CSNK1A1: variants seen among roughly 807,000 people sequenced by gnomAD.
CSNK1A1 encodes casein kinase 1 alpha 1.
CSNK1A1 carries 7 observed loss-of-function variants against 46.1 expected under a neutral mutation model. The ratio of observed to expected loss-of-function variants is 0.15; its 90% confidence interval spans 0.09 to 0.29. The LOEUF (loss-of-function observed/expected upper bound fraction) is 0.29. Ranked by LOEUF, CSNK1A1 falls within the 10% of genes least tolerant of loss-of-function variation. The pLI, the probability that CSNK1A1 is intolerant of heterozygous loss-of-function variation, is 1.00. For missense variants in CSNK1A1, 96 were observed against 417.1 expected, an observed-to-expected ratio of 0.23 and a Z score of 6.71; for synonymous variants, 137 against 141.5, an observed-to-expected ratio of 0.97 and a Z score of 0.23.
Position 149,551,024 on chromosome 5 carries a change from G to C in CSNK1A1, c.-60C>G. On this transcript the variant is annotated 5_prime_UTR_variant, in exon 1 of 10. Coordinates refer to ENST00000377843, the MANE Select transcript of CSNK1A1 (RefSeq NM_001892.6). ...CCGACACCTCTGGGAAGAGGACGGA[G>C]GCCTCGGGGCTCCTACACTAGGCAA... is the stretch of plus-strand genomic sequence containing the variant. 1 of 1,600,340 alleles carries C rather than the reference G, an allele frequency of 6.2e-7. No homozygotes were observed.
At chr5:149,532,360 T>C (rs1761929934) in intron 2 of CSNK1A1, among the ~76,000 whole-genome samples, 1 of 151,664 alleles carries the variant, frequency 6.6e-6, no homozygotes, top group Admixed American at 6.6e-5. Context: ...CACTCCAGCC[T>C]GGGCCACAGA....
At chr5:149,503,528 G>A in intron 9 of CSNK1A1, 6 of 985,056 alleles carry the variant, frequency 6.1e-6, no homozygotes, top group Non-Finnish European at 7.2e-6. Context: ...CCATGTTTAT[G>A]TGATAATTTG....
At chr5:149,539,565 ATTG>A (rs1762168552) in intron 2 of CSNK1A1, among the ~76,000 whole-genome samples, 4 of 152,028 alleles carry the variant, frequency 2.6e-5, no homozygotes, top group South Asian at 4.1e-4. Context: ...AGCAAAAATT[ATTG>A]TTATTAATTA....
chr5:149,542,374 A>T (rs1420720204), intron 2 of CSNK1A1, among the ~76,000 whole-genome samples: 1 of 151,348 alleles, frequency 6.6e-6, no homozygotes, highest in African/African-American at 2.4e-5. Flanking sequence ...ATGTAATAAT[A>T]ATAGAAATAA....
rs539103357 is a variant in CSNK1A1, at chr5:149,497,510, T to TCC, written c.1007-652_1007-651dup. On this transcript the variant is annotated intron_variant, in intron 9 of 9. Coordinates refer to ENST00000377843, the MANE Select transcript of CSNK1A1 (RefSeq NM_001892.6). The stretch of plus-strand genomic sequence containing the variant: ...CCTACACATTCTACAAATACTTCCC[T>TCC]CCTCCACCACAAGTAGACCCTAGGG... The TCC allele has an allele frequency of 6.3e-4, 623 of 985,544 alleles. 6 individuals carry two copies. The African/African-American group carries it at 0.01, about 16-fold the overall frequency. The allele number at this position is 985,544 out of a possible 1,614,324, so 61.0% of individuals were successfully genotyped here.
chr5:149,505,669 G>GA, intron 8 of CSNK1A1, 74 bp from the exon 9 acceptor site: 2 of 1,221,530 alleles, frequency 1.6e-6, no homozygotes, highest in South Asian at 2.7e-5. Flanking sequence ...AACTTTTTAA[G>GA]ACAGTGACAG....
intron 9 of CSNK1A1, chr5:149,502,279 A>AG (rs1489305375): frequency 1.1e-6 from 1 of 945,120 alleles, no homozygotes; most frequent in African/African-American, 1.8e-5. Flanking sequence ...TATGAAACTT[A>AG]GTTCAATAAT....
rs1239316888 is a variant in CSNK1A1 at position 149,550,202 on chromosome 5, G to A, written c.124-21C>T. Reference sequence around the variant, plus strand: ...ACTTCCTGCAGGGGAAAGAGGGGATGATGGCATCAACATCCCTACGGATTC... The same window carrying A: ...ACTTCCTGCAGGGGAAAGAGGGGATAATGGCATCAACATCCCTACGGATTC... On this transcript the variant is annotated intron_variant, in intron 1 of 9. Transcript: ENST00000377843. The surrounding 1 kb of genome is among the most constrained non-coding windows in gnomAD (Gnocchi z 4.3). 6.2e-7 allele frequency: 1 copy of A among 1,611,768 alleles called. No homozygotes were observed. The highest frequency in any genetic ancestry group is 8.5e-7 in the Non-Finnish European group (1 of 1,178,812).
intron 3 of CSNK1A1, among the ~76,000 whole-genome samples, chr5:149,522,353 C>T (rs1465357424): frequency 6.6e-6 from 1 of 152,146 alleles, no homozygotes; most frequent in Non-Finnish European, 1.5e-5. Context: ...TCAAGTGATC[C>T]TCCTGCTTCT....
At position 149,500,299 on chromosome 5, in the gene CSNK1A1, G is replaced by A. The variant is rs368349178; in HGVS notation, c.1007-3439C>T. 3.3e-4 allele frequency among the ~76,000 whole-genome samples: 50 copies of A among 151,782 alleles called. No homozygotes were observed. In the East Asian group the frequency reaches 6.4e-3, roughly 19 times the overall value. The stretch of plus-strand genomic sequence containing the variant: ...ACTATAGGCGCCCGCCACCACGCCC[G>A]GCTAATTTTTTGTATTTTTAGTACA... On this transcript the variant is annotated intron_variant, in intron 9 of 9. Transcript: ENST00000377843.
chr5:149,526,257 C>A (rs2113129804), intron 2 of CSNK1A1, among the ~76,000 whole-genome samples: 2 of 152,306 alleles, frequency 1.3e-5, no homozygotes, highest in Middle Eastern at 6.8e-3. Flanking sequence ...CCTATTTCAG[C>A]TTCCCAAGTA....
intron 3 of CSNK1A1, among the ~76,000 whole-genome samples, chr5:149,521,538 C>T (rs753849908): frequency 1.3e-5 from 2 of 151,896 alleles, no homozygotes; most frequent in Admixed American, 1.3e-4. Context: ...CCTCCTGCCT[C>T]GACCTCCCAA....
chr5:149,509,072 G>C (rs572683931), intron 7 of CSNK1A1, among the ~76,000 whole-genome samples: 1 of 152,086 alleles, frequency 6.6e-6, no homozygotes, highest in East Asian at 1.9e-4. Context: ...TTACAGGCAT[G>C]CGTCACCATG....
intron 9 of CSNK1A1, chr5:149,497,107 A>T: frequency 2.4e-6 from 3 of 1,249,358 alleles, no homozygotes; most frequent in Non-Finnish European, 3.0e-6. Context: ...GCCTCTCAGC[A>T]TACTAAAATA....
intron 9 of CSNK1A1, chr5:149,502,820 G>A: frequency 4.3e-6 from 4 of 920,120 alleles, no homozygotes; most frequent in Non-Finnish European, 5.2e-6. Context: ...CCAGGCTGGA[G>A]TGCAGCGGCA....
At chr5:149,522,952 T>C (rs1761616000) in intron 3 of CSNK1A1, among the ~76,000 whole-genome samples, 2 of 152,300 alleles carry the variant, frequency 1.3e-5, no homozygotes, top group Non-Finnish European at 1.5e-5. Flanking sequence ...GTTCAATGTA[T>C]GGATGCTTAC....
chr5:149,549,395 G>C, intron 2 of CSNK1A1: 1 of 680,324 alleles, frequency 1.5e-6, no homozygotes, highest in Non-Finnish European at 2.7e-6. Flanking sequence ...ACAATTTCGT[G>C]TCACATCTGC....
intron 9 of CSNK1A1, chr5:149,501,556 T>C: frequency 1.0e-6 from 1 of 985,024 alleles, no homozygotes; most frequent in African/African-American, 1.7e-5. Flanking sequence ...ATAATATTTG[T>C]AATCCCCTCT....
At chr5:149,513,233 A>G in intron 4 of CSNK1A1, 24 bp from the exon 5 acceptor site, 1 of 1,603,028 alleles carries the variant, frequency 6.2e-7, no homozygotes, top group Non-Finnish European at 8.5e-7. Context: ...ATACAGAAAC[A>G]TTAGGTTTCC....
Sources: allele counts gnomAD v4.1 joint callset (sites outside exome capture counted in the v4.1 genomes callset), GRCh38; gene constraint gnomAD v4.1.1; non-coding constraint Gnocchi (gnomAD v3.1); transcripts MANE v1.5; gene names NCBI Gene and HGNC (gene_info 2026-07-23, HGNC 2026-07-21).